STPG1: variants seen among roughly 807,000 people sequenced by gnomAD.
The protein encoded by STPG1 is O(6)-methylguanine-induced apoptosis 2.
STPG1 carries 33 observed loss-of-function variants against 40.1 expected under a neutral mutation model. The ratio of observed to expected loss-of-function variants is 0.82; its 90% confidence interval spans 0.62 to 1.10. STPG1 has a LOEUF of 1.10. Among genes scored for constraint, STPG1 ranks in the 50% least tolerant of loss-of-function variants. The pLI, the probability that STPG1 is intolerant of heterozygous loss-of-function variation, is 0.00. For missense variants in STPG1, 396 were observed against 415.1 expected, an observed-to-expected ratio of 0.95 and a Z score of 0.40; for synonymous variants, 150 against 155.0, an observed-to-expected ratio of 0.97 and a Z score of 0.24.
At chr1:24,388,631 C>T (rs780386306) in intron 3 of STPG1, among the ~76,000 whole-genome samples, 4 of 152,172 alleles carry the variant, frequency 2.6e-5, no homozygotes, top group African/African-American at 7.2e-5. Flanking sequence ...AGGACTACTG[C>T]GAGGAGGCAG....
chr1:24,373,650 A>C (rs528341222), intron 6 of STPG1, 52 bp downstream of exon 6: 31 of 1,279,560 alleles, frequency 2.4e-5, no homozygotes, highest in Admixed American at 1.0e-4. Flanking sequence ...CTGCAAATCA[A>C]ATCTGGGACA....
chr1:24,401,376 CAG>C lies in STPG1; in HGVS notation c.11_12del (p.Ser4CysfsTer5). 6.2e-7 allele frequency: 1 copy of C among 1,613,968 alleles called. No homozygotes were observed. The highest frequency in any genetic ancestry group is 1.3e-5 in the African/African-American group (1 of 75,042). On this transcript the variant is annotated frameshift_variant, in exon 2 of 9. Transcript: ENST00000337248. LOFTEE classifies it high-confidence loss of function. MDN[S>X]AQKNERTGKH... Reference sequence around the variant, plus strand: ...TTGCCAGTGCGTTCATTTTTCTGTGCAGAGTTGTCCATGTTAGCAAAATTCTG... The same window carrying C: ...TTGCCAGTGCGTTCATTTTTCTGTGCAGTTGTCCATGTTAGCAAAATTCTG...
At chr1:24,384,344 T>C (rs1642413214) in intron 3 of STPG1, among the ~76,000 whole-genome samples, 1 of 152,144 alleles carries the variant, frequency 6.6e-6, no homozygotes, top group South Asian at 2.1e-4. Flanking sequence ...TGCAAGTCAG[T>C]GTGCAGTGAT....
At position 24,413,019 on chromosome 1, in the gene STPG1, A is replaced by AT. The variant is rs1166630233; in HGVS notation, c.-69+654dup. On this transcript the variant is annotated intron_variant, in intron 1 of 8. Transcript: ENST00000337248. ...TATGTATACTGTTACTTTAGATAGAATTTTTTTGGATGTCCTGAGTAGTTT... is the reference window on the plus strand; with the variant it reads ...TATGTATACTGTTACTTTAGATAGAATTTTTTTTGGATGTCCTGAGTAGTTT... Among the ~76,000 whole-genome samples the AT allele has an allele frequency of 7.2e-5, 11 of 152,192 alleles. 1 individual carries two copies. Among genetic ancestry groups the AT allele is most frequent in the African/African-American group, 1.7e-4 (7 of 41,452 alleles).
At chr1:24,413,845 C>G (rs531941135), upstream of STPG1, 29 of 152,348 alleles carry the variant, frequency 1.9e-4, no homozygotes, top group African/African-American at 6.7e-4. Context: ...AGAGGCGTTT[C>G]AAAGTCCGCA....
intron 2 of STPG1, among the ~76,000 whole-genome samples, chr1:24,396,779 A>G (rs547163787): frequency 6.6e-6 from 1 of 152,336 alleles, no homozygotes; most frequent in East Asian, 1.9e-4. Flanking sequence ...AGGTAAATAA[A>G]GAACAGATGG....
At chr1:24,375,113 C>G (rs1189245307) in intron 5 of STPG1, among the ~76,000 whole-genome samples, 1 of 152,116 alleles carries the variant, frequency 6.6e-6, no homozygotes, top group Non-Finnish European at 1.5e-5. Context: ...CCTGAACTGA[C>G]CAGAAATTAA....
chr1:24,383,733 G>A (rs770463041), intron 4 of STPG1, 169 bp downstream of exon 4: 8 of 546,580 alleles, frequency 1.5e-5, no homozygotes, highest in Non-Finnish European at 2.3e-5. Flanking sequence ...AAGTTACTTA[G>A]AGACACAGGG....
At chr1:24,400,271 T>C (rs1643168955) in intron 2 of STPG1, among the ~76,000 whole-genome samples, 1 of 152,214 alleles carries the variant, frequency 6.6e-6, no homozygotes, top group Admixed American at 6.5e-5. Context: ...TCATATTGTA[T>C]GATTCACATT....
intron 7 of STPG1, chr1:24,368,834 A>G (rs949340802): frequency 6.5e-6 from 1 of 153,224 alleles, no homozygotes; most frequent in African/African-American, 2.4e-5. Flanking sequence ...CCTCCCGAGT[A>G]GCTAGGATTA....
chr1:24,411,841 C>T (rs1643679336), intron 1 of STPG1: 1 of 152,166 alleles, frequency 6.6e-6, no homozygotes. Flanking sequence ...CTTGAATATT[C>T]ACAGAATGCT....
Position 24,394,974 on chromosome 1 carries a change from G to A in STPG1, c.71-3295C>T, listed in dbSNP as rs1570075482. ...ACTATTGACTCACAGATTCAAGAAAGTCACTTAACATCAAATACAAGAAAC... is the reference window on the plus strand; with the variant it reads ...ACTATTGACTCACAGATTCAAGAAAATCACTTAACATCAAATACAAGAAAC... On this transcript the variant is annotated intron_variant, in intron 2 of 8. Coordinates refer to ENST00000337248, the MANE Select transcript of STPG1 (RefSeq NM_001199013.2). 2.6e-5 allele frequency among the ~76,000 whole-genome samples: 4 copies of A among 152,058 alleles called. No individual in the cohort carries two copies. The Middle Eastern group carries it at 0.014, about 517-fold the overall frequency.
intron 5 of STPG1, among the ~76,000 whole-genome samples, chr1:24,376,477 T>C (rs190557420): frequency 1.3e-4 from 20 of 151,906 alleles, no homozygotes; most frequent in Non-Finnish European, 2.8e-4. Flanking sequence ...ACAAAAAACA[T>C]GCGCCTAAAT....
intron 5 of STPG1, among the ~76,000 whole-genome samples, chr1:24,374,249 T>TTTTTG (rs1219697169): frequency 1.6e-4 from 14 of 89,058 alleles, no homozygotes; most frequent in African/African-American, 9.9e-4. Context: ...AAAGTGTTTT[T>TTTTTG]TTTTTTTGTT....
intron 1 of STPG1, among the ~76,000 whole-genome samples, chr1:24,402,740 T>C (rs1261459891): frequency 2.9e-5 from 4 of 136,674 alleles, no homozygotes; most frequent in Non-Finnish European, 4.6e-5. Context: ...AGCAACAGCC[T>C]ATCTCAAAAA....
At chr1:24,388,862 A>G (rs575719429) in intron 3 of STPG1, among the ~76,000 whole-genome samples, 2 of 152,246 alleles carry the variant, frequency 1.3e-5, no homozygotes, top group Non-Finnish European at 2.9e-5. Context: ...TGAGGAGACC[A>G]CAAAAATTAT....
chr1:24,358,018 CT>C lies in STPG1; in HGVS notation c.*524del. On this transcript the variant is annotated 3_prime_UTR_variant, in exon 9 of 9. Coordinates refer to ENST00000337248, the MANE Select transcript of STPG1 (RefSeq NM_001199013.2). ...TGTGGACTGGTGGAAAAAGCATCACCTGCCTGCAGGTAGCTTTCGCCCAGTA... is the reference window on the plus strand; with the variant it reads ...TGTGGACTGGTGGAAAAAGCATCACCGCCTGCAGGTAGCTTTCGCCCAGTA... 1 of 355,556 alleles carries C rather than the reference CT, an allele frequency of 2.8e-6. No individual in the cohort carries two copies. The allele number at this position is 355,556 out of a possible 1,614,324, so 22.0% of individuals were successfully genotyped here.
At chr1:24,373,590 C>A in intron 6 of STPG1, 112 bp downstream of exon 6, 1 of 734,284 alleles carries the variant, frequency 1.4e-6, no homozygotes, top group Non-Finnish European at 2.5e-6. Context: ...TACTCCTCCC[C>A]ACCCAAAGAC....
chr1:24,375,495 GCAAA>G (rs941728311), intron 5 of STPG1, among the ~76,000 whole-genome samples: 1 of 152,170 alleles, frequency 6.6e-6, no homozygotes, highest in Non-Finnish European at 1.5e-5. Context: ...TGCAGAGAGG[GCAAA>G]CAAAGAGACC....
Sources: allele counts gnomAD v4.1 joint callset (sites outside exome capture counted in the v4.1 genomes callset), GRCh38; gene constraint gnomAD v4.1.1; transcripts MANE v1.5; gene names NCBI Gene and HGNC (gene_info 2026-07-23, HGNC 2026-07-21).